CD44: variants seen among roughly 807,000 people sequenced by gnomAD.
CD44 encodes the protein CD44 molecule (IN blood group).
CD44 carries 49 observed loss-of-function variants against 88.8 expected under a neutral mutation model. The ratio of observed to expected loss-of-function variants is 0.55; its 90% CI spans 0.44 to 0.70. CD44 has a LOEUF of 0.70. Among genes scored for constraint, CD44 ranks in the 30% least tolerant of loss-of-function variants. The pLI is 0.00. For synonymous variants in CD44, 325 were observed against 312.3 expected (o/e 1.04, Z -0.43); for missense variants, 883 against 913.8 (o/e 0.97, Z 0.43).
chr11:35,217,631 T>C (rs1948945681), intron 15 of CD44, among the ~76,000 whole-genome samples: 1 of 152,224 alleles, frequency 6.6e-6, no homozygotes, highest in Admixed American at 6.5e-5. Flanking sequence ...AACAAAAGCA[T>C]CAAATTGCAT....
chr11:35,151,015 C>T (rs1430568661), intron 1 of CD44, among the ~76,000 whole-genome samples: 1 of 152,182 alleles, frequency 6.6e-6, no homozygotes, highest in East Asian at 1.9e-4. Context: ...TGCAAGAGAG[C>T]ATAACCAAGT....
intron 3 of CD44, among the ~76,000 whole-genome samples, chr11:35,185,525 T>G (rs2133823714): frequency 6.6e-6 from 1 of 152,346 alleles, no homozygotes; most frequent in Admixed American, 6.5e-5. Context: ...ATACTTGTGA[T>G]AACAGCCTTT....
chr11:35,159,574 C>T (rs899638882), intron 1 of CD44, among the ~76,000 whole-genome samples: 5 of 152,098 alleles, frequency 3.3e-5, no homozygotes, highest in Non-Finnish European at 7.4e-5. Context: ...GGAAAAAAAA[C>T]GGACATTTAT....
intron 9 of CD44, among the ~76,000 whole-genome samples, chr11:35,202,916 T>G (rs1393137959): frequency 1.3e-5 from 2 of 152,200 alleles, no homozygotes; most frequent in Non-Finnish European, 2.9e-5. Context: ...ACAGTATACC[T>G]TAGAAATTAT....
intron 9 of CD44, among the ~76,000 whole-genome samples, chr11:35,204,183 A>G (rs546015916): frequency 6.5e-4 from 99 of 152,230 alleles, no homozygotes; most frequent in Non-Finnish European, 1.0e-3. Context: ...TTTCTCAGAC[A>G]GGGTATGTGA....
chr11:35,231,827 T>G lies in CD44; in HGVS notation c.*2494T>G, dbSNP rs1318494755. 6.6e-6 allele frequency: 1 copy of G among 152,226 alleles called. No homozygotes were observed. Among genetic ancestry groups the G allele is most frequent in the Non-Finnish European group, 1.5e-5 (1 of 68,026 alleles). 9.4% of individuals were successfully genotyped at this position (152,226 alleles called of 1,614,324 possible). On this transcript the variant is annotated 3_prime_UTR_variant, in exon 18 of 18. Coordinates refer to ENST00000428726, the MANE Select transcript of CD44 (RefSeq NM_000610.4). ...CATTTAATTATTTTGCAAAGCAACC[T>G]AAGAGCTAAAGATGTAATTTTTCTT... is the stretch of plus-strand genomic sequence containing the variant.
intron 15 of CD44, among the ~76,000 whole-genome samples, chr11:35,215,924 A>G (rs1220642815): frequency 6.7e-6 from 1 of 150,078 alleles, no homozygotes; most frequent in Non-Finnish European, 1.5e-5. Context: ...CAGCAAATTC[A>G]TAGAGTTTAT....
chr11:35,151,798 A>T (rs184839624), intron 1 of CD44, among the ~76,000 whole-genome samples: 2 of 152,342 alleles, frequency 1.3e-5, no homozygotes, highest in East Asian at 3.9e-4. Context: ...AACAGTAAAA[A>T]AGCAGTCTCT....
At chr11:35,223,121 T>C (rs930822484) in intron 17 of CD44, 3 of 985,406 alleles carry the variant, frequency 3.0e-6, no homozygotes, top group South Asian at 9.4e-5. Flanking sequence ...TTTTAAAAAG[T>C]AGTTATGCTA....
chr11:35,151,775 T>C (rs1283254162), intron 1 of CD44, among the ~76,000 whole-genome samples: 1 of 152,236 alleles, frequency 6.6e-6, no homozygotes, highest in African/African-American at 2.4e-5. Context: ...CTATAGACTC[T>C]ATCTCCTTCT....
intron 10 of CD44, 122 bp from the exon 11 acceptor site, chr11:35,205,990 A>G: frequency 7.3e-7 from 1 of 1,377,338 alleles, no homozygotes; most frequent in Non-Finnish European, 9.4e-7. Context: ...TGCCCTCTAT[A>G]CAAGGAAGAT....
At chr11:35,221,808 G>C in intron 17 of CD44, 76 bp downstream of exon 17, 1 of 1,316,744 alleles carries the variant, frequency 7.6e-7, no homozygotes. Flanking sequence ...TTGCTGCTCA[G>C]AGCGTAGTCC....
At chr11:35,184,701 C>A (rs1945482074) in intron 3 of CD44, among the ~76,000 whole-genome samples, 1 of 152,172 alleles carries the variant, frequency 6.6e-6, no homozygotes, top group Non-Finnish European at 1.5e-5. Flanking sequence ...TGCTCATCTT[C>A]TTTTCTCCTT....
At chr11:35,203,572 T>C (rs1356387336) in intron 9 of CD44, among the ~76,000 whole-genome samples, 1 of 152,170 alleles carries the variant, frequency 6.6e-6, no homozygotes, top group African/African-American at 2.4e-5. Context: ...TGAGGACAGT[T>C]ATATTTTTTA....
At chr11:35,184,395 A>G (rs1053001555) in intron 3 of CD44, among the ~76,000 whole-genome samples, 3 of 152,192 alleles carry the variant, frequency 2.0e-5, no homozygotes, top group African/African-American at 7.2e-5. Flanking sequence ...TTATATTTGA[A>G]GTTAGGGGAG....
chr11:35,218,677 C>T (rs1949039178), intron 15 of CD44, among the ~76,000 whole-genome samples: 1 of 152,018 alleles, frequency 6.6e-6, no homozygotes, highest in Non-Finnish European at 1.5e-5. Context: ...TTTTCAGGTT[C>T]CCTTTGGGCT....
At chr11:35,156,984 A>G (rs353614) in intron 1 of CD44, among the ~76,000 whole-genome samples, 79,636 of 152,048 alleles carry the variant, frequency 0.52, 22,578 homozygotes, top group African/African-American at 0.75. Flanking sequence ...CACTGAGCTA[A>G]GATTGTGCTA....
chr11:35,153,770 T>C (rs1941495204), intron 1 of CD44, among the ~76,000 whole-genome samples: 1 of 152,186 alleles, frequency 6.6e-6, no homozygotes, highest in Non-Finnish European at 1.5e-5. Flanking sequence ...TCTCATCTGA[T>C]TTAAAGCACC....
chr11:35,157,953 A>C (rs979048494), intron 1 of CD44, among the ~76,000 whole-genome samples: 9 of 152,182 alleles, frequency 5.9e-5, no homozygotes, highest in African/African-American at 2.2e-4. Flanking sequence ...CTCGCCTCTG[A>C]AACAAGCCTC....
Sources: gnomAD v4.1 joint callset for allele counts (sites outside exome capture counted in the v4.1 genomes callset) on GRCh38, gnomAD v4.1.1 for gene constraint, MANE v1.5 for transcripts, NCBI Gene and HGNC (gene_info 2026-07-23, HGNC 2026-07-21) for gene names.